TSPAN11: variants seen among roughly 807,000 people sequenced by gnomAD.
TSPAN11 encodes tetraspanin-11.
Under a neutral mutation model 32.9 loss-of-function variants are expected in TSPAN11, and 29 were observed. The ratio of observed to expected loss-of-function variants is 0.88; its 90% CI spans 0.66 to 1.20. The LOEUF (loss-of-function observed/expected upper bound fraction) is 1.20. Among genes scored for constraint, TSPAN11 ranks in the 50% most tolerant of loss-of-function variants. TSPAN11 has a pLI of 0.00. For synonymous variants in TSPAN11, 140 were observed against 141.3 expected (o/e 0.99, Z 0.07); for missense variants, 283 against 329.1 (o/e 0.86, Z 1.08).
At chr12:30,991,781 C>A in intron 7 of TSPAN11, 75 bp from the exon 8 acceptor site, 1 of 1,539,626 alleles carries the variant, frequency 6.5e-7, no homozygotes, top group Non-Finnish European at 9.0e-7. Context: ...AGCAGCACTG[C>A]TCCAGGGCCC....
chr12:31,009,334 G>A, the TSPAN11 span, among the ~76,000 whole-genome samples: 3 of 152,180 alleles, frequency 2.0e-5, no homozygotes, highest in Non-Finnish European at 4.4e-5. Context: ...GCAACTGTCT[G>A]TACCCCTCAT....
intron 3 of TSPAN11, among the ~76,000 whole-genome samples, chr12:30,974,640 A>G (rs1008586447): frequency 9.2e-5 from 14 of 152,238 alleles, no homozygotes; most frequent in Non-Finnish European, 2.9e-5. Flanking sequence ...ACCCAGCACC[A>G]TACCAGGCAC....
At chr12:30,932,633 C>T (rs187413701) in intron 1 of TSPAN11, among the ~76,000 whole-genome samples, 3 of 152,244 alleles carry the variant, frequency 2.0e-5, no homozygotes, top group East Asian at 3.9e-4. Context: ...GTGATTCATA[C>T]CCTGTTTGTG....
intron 1 of TSPAN11, among the ~76,000 whole-genome samples, chr12:30,932,402 T>C (rs1937950740): frequency 6.6e-6 from 1 of 152,224 alleles, no homozygotes; most frequent in African/African-American, 2.4e-5. Context: ...AGTGCATATA[T>C]GCACGTGTAT....
At chr12:30,957,653 CT>C (rs1938512643) in intron 2 of TSPAN11, among the ~76,000 whole-genome samples, 2 of 132,446 alleles carry the variant, frequency 1.5e-5, no homozygotes, top group Non-Finnish European at 3.3e-5. Context: ...CCCTCCCTCC[CT>C]TCCTCCCTTG....
At chr12:30,978,709 T>G (rs1432756817) in intron 4 of TSPAN11, 74 bp downstream of exon 4, 2 of 1,500,638 alleles carry the variant, frequency 1.3e-6, no homozygotes, top group African/African-American at 2.8e-5. Flanking sequence ...AGGTTTGCAT[T>G]GTGATGAGGG....
rs978389947 is a variant in TSPAN11, at chr12:30,992,224, C to T, written c.*309C>T. On this transcript the variant is annotated 3_prime_UTR_variant, in exon 8 of 8. Transcript: ENST00000546076. ...GCACCCGTGGACTACGGGAGGGTGGCGGTTGGGTTCTCTGCTCCCTCCCAG... is the reference window on the plus strand; with the variant it reads ...GCACCCGTGGACTACGGGAGGGTGGTGGTTGGGTTCTCTGCTCCCTCCCAG... 6 of 444,218 alleles carry T rather than the reference C, an allele frequency of 1.4e-5. No individual in the cohort carries two copies. Among genetic ancestry groups the T allele is most frequent in the East Asian group, 7.7e-5 (2 of 25,940 alleles). The allele number at this position is 444,218 out of a possible 1,614,324, so 27.5% of individuals were successfully genotyped here.
chr12:31,014,077 T>C, the TSPAN11 span, among the ~76,000 whole-genome samples: 2 of 152,242 alleles, frequency 1.3e-5, no homozygotes, highest in African/African-American at 2.4e-5. Context: ...CTTACGTGAT[T>C]TCCATATTTT....
At chr12:31,002,886 C>G in the TSPAN11 span, among the ~76,000 whole-genome samples, 1 of 152,144 alleles carries the variant, frequency 6.6e-6, no homozygotes, top group Non-Finnish European at 1.5e-5. The surrounding 1 kb of genome is among the most constrained non-coding windows in gnomAD (Gnocchi z 4.8). Flanking sequence ...GATGCAGGCC[C>G]ATGTTGGAAG....
intron 1 of TSPAN11, among the ~76,000 whole-genome samples, chr12:30,928,705 T>A (rs544152067): frequency 2.2e-4 from 33 of 152,346 alleles, no homozygotes; most frequent in African/African-American, 7.9e-4. Flanking sequence ...GCTTCTTCTT[T>A]GGTCCAAATC....
In TSPAN11 at chr12:30,954,084, A is replaced by C. The variant is rs1001687682; in HGVS notation, c.84+9A>C. 6.3e-7 allele frequency: 1 copy of C among 1,598,712 alleles called. No homozygotes were observed. The highest frequency in any genetic ancestry group is 8.6e-7 in the Non-Finnish European group (1 of 1,166,528). ...TCAACTTCTTCTTCTGGGTGAGTGAATTCTGCACACACATCCTCTTCCCCG... is the reference window on the plus strand; with the variant it reads ...TCAACTTCTTCTTCTGGGTGAGTGACTTCTGCACACACATCCTCTTCCCCG... On this transcript the variant is annotated intron_variant, in intron 2 of 7. Transcript: ENST00000546076.
rs758406752 is a variant in TSPAN11 at position 30,991,945 on chromosome 12, C to G, written c.*30C>G. The G allele has an allele frequency of 5.0e-6, 8 of 1,613,816 alleles. No individual in the cohort carries two copies. Among genetic ancestry groups the G allele is most frequent in the Non-Finnish European group, 6.8e-6 (8 of 1,179,722 alleles). The stretch of plus-strand genomic sequence containing the variant: ...CAACCACCTCCTCTTCCAACTGCCC[C>G]TCAAGACAACATGTGGCCACATGCC... On this transcript the variant is annotated 3_prime_UTR_variant, in exon 8 of 8. Transcript: ENST00000546076.
At chr12:30,937,683 C>A (rs61916734) in intron 1 of TSPAN11, among the ~76,000 whole-genome samples, 28,113 of 152,148 alleles carry the variant, frequency 0.18, 2,917 homozygotes, top group Middle Eastern at 0.26. Context: ...AGTGCGTGGT[C>A]TCAAAGTGTG....
chr12:30,974,170 C>T (rs79463278), intron 3 of TSPAN11, among the ~76,000 whole-genome samples: 7,099 of 152,298 alleles, frequency 0.047, 344 homozygotes, highest in East Asian at 0.26. Context: ...TCTTCGGGAG[C>T]TAGGTAACAT....
the TSPAN11 span, among the ~76,000 whole-genome samples, chr12:31,015,240 A>G: frequency 5.5e-3 from 837 of 152,326 alleles, 10 homozygotes; most frequent in African/African-American, 0.019. The surrounding 1 kb of genome is among the most constrained non-coding windows in gnomAD (Gnocchi z 4.9). Flanking sequence ...GGTAAAAACT[A>G]TGGAGTCTCC....
At chr12:31,001,433 T>C (rs144729835), downstream of TSPAN11, among the ~76,000 whole-genome samples, 1,081 of 152,312 alleles carry the variant, frequency 7.1e-3, 11 homozygotes, top group African/African-American at 0.025. Context: ...GTGAATATAA[T>C]CATCAGCATT....
intron 1 of TSPAN11, among the ~76,000 whole-genome samples, chr12:30,947,739 G>A (rs1351574167): frequency 5.3e-5 from 8 of 152,154 alleles, no homozygotes; most frequent in Non-Finnish European, 1.0e-4. Context: ...ACATTTGGGT[G>A]AGGACACAGC....
Position 30,992,261 on chromosome 12 carries a change from G to A in TSPAN11, c.*346G>A. On this transcript the variant is annotated 3_prime_UTR_variant, in exon 8 of 8. Coordinates refer to ENST00000546076, the MANE Select transcript of TSPAN11 (RefSeq NM_001370302.1). ...CTGCTCCCTCCCAGCTCCTGAACCTGGAACAATCGGCAGAAAACCCAGGAA... is the reference window on the plus strand; with the variant it reads ...CTGCTCCCTCCCAGCTCCTGAACCTAGAACAATCGGCAGAAAACCCAGGAA... The A allele has an allele frequency of 2.9e-6, 1 of 350,706 alleles. No individual in the cohort carries two copies. Among genetic ancestry groups the A allele is most frequent in the South Asian group, 4.4e-5 (1 of 22,956 alleles). The allele number at this position is 350,706 out of a possible 1,614,324, so 21.7% of individuals were successfully genotyped here.
At chr12:30,962,435 T>C (rs1317657943) in intron 2 of TSPAN11, among the ~76,000 whole-genome samples, 1 of 152,240 alleles carries the variant, frequency 6.6e-6, no homozygotes, top group Non-Finnish European at 1.5e-5. Flanking sequence ...TCTTATTCTC[T>C]TCAAGCCTCA....
Sources: allele counts gnomAD v4.1 joint callset (sites outside exome capture counted in the v4.1 genomes callset), GRCh38; gene constraint gnomAD v4.1.1; non-coding constraint Gnocchi (gnomAD v3.1); transcripts MANE v1.5; gene names NCBI Gene and HGNC (gene_info 2026-07-23, HGNC 2026-07-21).